PCYT1B: variants seen among roughly 807,000 people sequenced by gnomAD.
PCYT1B encodes the protein phosphate cytidylyltransferase 1B, choline, also known as choline-phosphate cytidylyltransferase B.
PCYT1B carries 10 observed loss-of-function variants against 26.4 expected under a neutral mutation model. That is an observed-to-expected ratio of 0.38 (90% CI 0.23 to 0.64). The LOEUF (loss-of-function observed/expected upper bound fraction) is 0.64, where lower values mean the gene tolerates loss of function less well. Among genes scored for constraint, PCYT1B ranks in the 30% least tolerant of loss-of-function variants. PCYT1B has a pLI of 0.56. For synonymous variants in PCYT1B, 131 were observed against 108.4 expected (o/e 1.21, Z -1.29); for missense variants, 161 against 292.7 (o/e 0.55, Z 3.28).
chrX:24,565,096 C>T (rs916134300), intron 7 of PCYT1B, among the ~76,000 whole-genome samples: 2 of 110,186 alleles, frequency 1.8e-5, no homozygotes. Context: ...TTCCCTGAAG[C>T]TCCCCACTGG....
intron 2 of PCYT1B, among the ~76,000 whole-genome samples, chrX:24,611,543 A>C (rs185338655): frequency 8.1e-5 from 9 of 111,562 alleles, no homozygotes; most frequent in Admixed American, 9.6e-5. Flanking sequence ...GCTCCTAATG[A>C]TCTCTGCCTC....
At chrX:24,666,597 ATGTG>A (rs1381983453) in intron 1 of PCYT1B, among the ~76,000 whole-genome samples, 1 of 83,126 alleles carries the variant, frequency 1.2e-5, no homozygotes, top group Non-Finnish European at 2.4e-5. Flanking sequence ...CTTTCCGTGT[ATGTG>A]TGTGAGTGTG....
chrX:24,646,786 G>A (rs1432567427), intron 1 of PCYT1B, among the ~76,000 whole-genome samples: 1 of 111,529 alleles, frequency 9.0e-6, no homozygotes, highest in Non-Finnish European at 1.9e-5. Context: ...TTCCTACCCA[G>A]CCAATACAAT....
intron 7 of PCYT1B, among the ~76,000 whole-genome samples, chrX:24,568,823 A>G (rs1339672121): frequency 9.0e-6 from 1 of 111,454 alleles, no homozygotes; most frequent in African/African-American, 3.3e-5. Flanking sequence ...GGCCGGGCGC[A>G]GTGGCTCATG....
At chrX:24,579,027 C>T (rs751833171) in intron 6 of PCYT1B, among the ~76,000 whole-genome samples, 1 of 110,438 alleles carries the variant, frequency 9.1e-6, no homozygotes, top group South Asian at 3.9e-4. Context: ...GTGGCAAATG[C>T]CTGTAATCCC....
chrX:24,582,383 G>A (rs1924235889), intron 5 of PCYT1B, among the ~76,000 whole-genome samples: 1 of 112,318 alleles, frequency 8.9e-6, no homozygotes, highest in African/African-American at 3.2e-5. Context: ...TGCTTTGGCT[G>A]GTTGGGAGGT....
chrX:24,574,320 ACT>A (rs1370121572), intron 7 of PCYT1B, among the ~76,000 whole-genome samples: 2 of 111,008 alleles, frequency 1.8e-5, no homozygotes, highest in African/African-American at 6.6e-5. Flanking sequence ...CCCCTCATCA[ACT>A]CTCCTGATAA....
At chrX:24,654,232 G>A (rs768792979) in intron 1 of PCYT1B, among the ~76,000 whole-genome samples, 1 of 102,117 alleles carries the variant, frequency 9.8e-6, no homozygotes, top group Admixed American at 1.1e-4. Context: ...AGCCTCCCAA[G>A]TAGCTGGGAT....
intron 1 of PCYT1B, among the ~76,000 whole-genome samples, chrX:24,645,391 T>A (rs182923811): frequency 9.1e-6 from 1 of 109,666 alleles, no homozygotes; most frequent in African/African-American, 3.3e-5. Context: ...TATATATATA[T>A]ACACACATAT....
upstream of PCYT1B, chrX:24,647,384 TAGAGCGCGCTGGTTGGCTA>T: frequency 1.6e-6 from 1 of 630,140 alleles, no homozygotes; most frequent in Admixed American, 6.0e-5. Flanking sequence ...CTCATTTGCA[TAGAGCGCGCTGGTTGGCTA>T]CTGTCATCAT....
intron 7 of PCYT1B, among the ~76,000 whole-genome samples, chrX:24,567,678 C>T (rs1476135553): frequency 8.9e-6 from 1 of 111,816 alleles, no homozygotes; most frequent in Non-Finnish European, 1.9e-5. Context: ...CGGCCGGGTG[C>T]GGTGGCTCAT....
intron 1 of PCYT1B, among the ~76,000 whole-genome samples, chrX:24,643,113 G>C (rs927868708): frequency 2.7e-5 from 3 of 111,461 alleles, no homozygotes; most frequent in Non-Finnish European, 5.6e-5. Flanking sequence ...CTTGTCCAAG[G>C]TCATTAACCA....
chrX:24,651,537 C>T (rs375330443), upstream of PCYT1B, among the ~76,000 whole-genome samples: 25 of 58,386 alleles, frequency 4.3e-4, no homozygotes, highest in African/African-American at 1.4e-3. Flanking sequence ...ATATATTATT[C>T]TTTTTTTTTT....
intron 1 of PCYT1B, among the ~76,000 whole-genome samples, chrX:24,659,648 C>A (rs1926989502): frequency 8.9e-6 from 1 of 111,760 alleles, no homozygotes; most frequent in African/African-American, 3.3e-5. Flanking sequence ...GTTGTGGAAG[C>A]CGGGAAGACC....
chrX:24,624,258 C>T (rs777904206), intron 1 of PCYT1B, among the ~76,000 whole-genome samples: 54 of 111,669 alleles, frequency 4.8e-4, no homozygotes, highest in Non-Finnish European at 8.7e-4. Context: ...CATGAGCCAC[C>T]GCGCCCGGCC....
chrX:24,651,454 CAAAAA>C (rs1188690484), upstream of PCYT1B, among the ~76,000 whole-genome samples: 10 of 11,070 alleles, frequency 9.0e-4, no homozygotes, highest in African/African-American at 2.2e-3. Flanking sequence ...GATGCCATCT[CAAAAA>C]AAAAAAAAAA....
chrX:24,649,750 A>G (rs147776613), upstream of PCYT1B, among the ~76,000 whole-genome samples: 5 of 111,624 alleles, frequency 4.5e-5, no homozygotes, highest in African/African-American at 1.6e-4. Context: ...CCCCTGTCCC[A>G]TTGAACCAAG....
chrX:24,604,663 C>T (rs1451928115), intron 3 of PCYT1B, among the ~76,000 whole-genome samples: 1 of 111,327 alleles, frequency 9.0e-6, no homozygotes, highest in African/African-American at 3.3e-5. Context: ...CCAGGTGATC[C>T]TCTTGCCTCA....
chrX:24,581,716 G>A, intron 5 of PCYT1B, among the ~76,000 whole-genome samples: 1 of 112,333 alleles, frequency 8.9e-6, no homozygotes. Flanking sequence ...TCAGCACTGG[G>A]TGACAAACAG....
Sources: gnomAD v4.1 joint callset for allele counts (sites outside exome capture counted in the v4.1 genomes callset) on GRCh38, gnomAD v4.1.1 for gene constraint, MANE v1.5 for transcripts, NCBI Gene and HGNC (gene_info 2026-07-23, HGNC 2026-07-21) for gene names.